ABCD3: variants seen among roughly 807,000 people sequenced by gnomAD.
The protein encoded by ABCD3 is ATP binding cassette subfamily D member 3.
A neutral mutation model predicts 105.5 loss-of-function variants in ABCD3; 41 were observed. The ratio of observed to expected loss-of-function variants is 0.39; its 90% confidence interval spans 0.30 to 0.50. ABCD3 has a LOEUF of 0.50. Ranked by LOEUF, ABCD3 falls within the 20% of genes least tolerant of loss-of-function variation. The pLI is 0.84. For missense variants in ABCD3, 622 were observed against 806.3 expected, an observed-to-expected ratio of 0.77 and a Z score of 2.77; for synonymous variants, 258 against 269.0, an observed-to-expected ratio of 0.96 and a Z score of 0.40.
chr1:94,398,479 A>G, the ABCD3 span, among the ~76,000 whole-genome samples: 2 of 152,208 alleles, frequency 1.3e-5, no homozygotes, highest in Admixed American at 6.5e-5. Flanking sequence ...GTAACCTAAC[A>G]GTTTTCAGTA....
intron 3 of ABCD3, among the ~76,000 whole-genome samples, chr1:94,465,132 A>G (rs1465632228): frequency 6.6e-6 from 1 of 152,094 alleles, no homozygotes; most frequent in African/African-American, 2.4e-5. Context: ...ACTTTTAAAC[A>G]ACCAGATACA....
chr1:94,396,731 G>A, the ABCD3 span, among the ~76,000 whole-genome samples: 1 of 152,136 alleles, frequency 6.6e-6, no homozygotes, highest in Non-Finnish European at 1.5e-5. Flanking sequence ...AAATTGTATT[G>A]AGTTGCTTTG....
chr1:94,420,946 C>A (rs900574540), intron 1 of ABCD3, among the ~76,000 whole-genome samples: 11 of 152,120 alleles, frequency 7.2e-5, no homozygotes, highest in Admixed American at 1.3e-4. Flanking sequence ...CTAGTAAAAT[C>A]ACTTTAAAAG....
chr1:94,489,285 G>C (rs1283670061), intron 13 of ABCD3, among the ~76,000 whole-genome samples: 5 of 152,080 alleles, frequency 3.3e-5, no homozygotes, highest in African/African-American at 1.2e-4. Flanking sequence ...CAGGAAGGCA[G>C]CATGCATTCG....
intron 2 of ABCD3, among the ~76,000 whole-genome samples, chr1:94,461,617 C>G (rs1228713106): frequency 6.6e-6 from 1 of 151,914 alleles, no homozygotes; most frequent in African/African-American, 2.4e-5. Flanking sequence ...AGCTGTAGAC[C>G]TGCTCTTTCA....
intron 1 of ABCD3, among the ~76,000 whole-genome samples, chr1:94,434,715 A>G (rs957472185): frequency 1.3e-5 from 2 of 152,262 alleles, no homozygotes; most frequent in African/African-American, 2.4e-5. Flanking sequence ...TACCACAGAC[A>G]GAAAACTGCA....
intron 1 of ABCD3, among the ~76,000 whole-genome samples, chr1:94,436,886 G>C (rs1317401437): frequency 6.6e-6 from 1 of 152,190 alleles, no homozygotes; most frequent in Non-Finnish European, 1.5e-5. Context: ...AGAATGATAA[G>C]AAACAGCCTT....
At chr1:94,430,798 C>A (rs1659643032) in intron 1 of ABCD3, among the ~76,000 whole-genome samples, 1 of 151,936 alleles carries the variant, frequency 6.6e-6, no homozygotes. Flanking sequence ...GTGAGTAGGC[C>A]TACATGTAAA....
At chr1:94,490,468 C>T (rs1049593402) in intron 15 of ABCD3, among the ~76,000 whole-genome samples, 22 of 152,114 alleles carry the variant, frequency 1.4e-4, no homozygotes, top group South Asian at 2.1e-4. Flanking sequence ...TTAGATTCCA[C>T]ATACAAGTAA....
At chr1:94,426,261 A>G (rs1471399402) in intron 1 of ABCD3, among the ~76,000 whole-genome samples, 1 of 151,842 alleles carries the variant, frequency 6.6e-6, no homozygotes, top group African/African-American at 2.4e-5. Flanking sequence ...AGGTTTCTGT[A>G]TTTTTTCAGT....
chr1:94,507,992 T>G (rs982022445), intron 21 of ABCD3, among the ~76,000 whole-genome samples: 5 of 147,978 alleles, frequency 3.4e-5, no homozygotes, highest in Admixed American at 1.4e-4. Context: ...GCTCTTTAGT[T>G]TAATTAGATC....
chr1:94,407,427 A>G, the ABCD3 span, among the ~76,000 whole-genome samples: 8 of 152,184 alleles, frequency 5.3e-5, no homozygotes, highest in African/African-American at 1.9e-4. Context: ...TGGGATTACC[A>G]AGCACAAGGG....
At chr1:94,411,538 G>T in the ABCD3 span, among the ~76,000 whole-genome samples, 1 of 152,114 alleles carries the variant, frequency 6.6e-6, no homozygotes, top group African/African-American at 2.4e-5. Context: ...GCTGGTGGAA[G>T]GTAAAATGGT....
chr1:94,451,766 A>G (rs953839644), intron 1 of ABCD3, among the ~76,000 whole-genome samples: 3 of 152,186 alleles, frequency 2.0e-5, no homozygotes, highest in Admixed American at 1.3e-4. Context: ...TATTGTAGTC[A>G]GTGAAATCAC....
intron 20 of ABCD3, among the ~76,000 whole-genome samples, chr1:94,503,727 A>G (rs1350605278): frequency 6.6e-6 from 1 of 151,904 alleles, no homozygotes; most frequent in African/African-American, 2.4e-5. Flanking sequence ...TCATTCATTT[A>G]TTAGATAGTT....
At chr1:94,493,719 T>A (rs1434453681) in intron 16 of ABCD3, among the ~76,000 whole-genome samples, 1 of 152,030 alleles carries the variant, frequency 6.6e-6, no homozygotes, top group Non-Finnish European at 1.5e-5. Context: ...ATAGACTGGA[T>A]AAAGAAAATG....
intron 20 of ABCD3, among the ~76,000 whole-genome samples, chr1:94,505,813 T>A (rs1478498826): frequency 1.3e-5 from 2 of 152,134 alleles, no homozygotes; most frequent in African/African-American, 4.8e-5. Flanking sequence ...AAGAGAATGT[T>A]GCAGAGAAGG....
At chr1:94,449,284 A>T (rs1011341953) in intron 1 of ABCD3, among the ~76,000 whole-genome samples, 1 of 152,226 alleles carries the variant, frequency 6.6e-6, no homozygotes, top group African/African-American at 2.4e-5. Context: ...ATACCCATCG[A>T]ACATAGCCAC....
At chr1:94,410,726 G>C in the ABCD3 span, among the ~76,000 whole-genome samples, 60,477 of 152,022 alleles carry the variant, frequency 0.4, 12,490 homozygotes, top group South Asian at 0.47. Flanking sequence ...GGCAATGACA[G>C]TTCAGTCACA....
Sources: gnomAD v4.1 joint callset for allele counts (sites outside exome capture counted in the v4.1 genomes callset) on GRCh38, gnomAD v4.1.1 for gene constraint, MANE v1.5 for transcripts, NCBI Gene and HGNC (gene_info 2026-07-23, HGNC 2026-07-21) for gene names.